RBFOX1: variants seen among roughly 807,000 people sequenced by gnomAD.
RBFOX1 encodes the protein RNA binding protein fox-1 homolog 1.
RBFOX1 carries 8 observed loss-of-function variants against 57.7 expected under a neutral mutation model. The observed-to-expected ratio is 0.14, with a 90% CI of 0.08 to 0.25. The LOEUF (loss-of-function observed/expected upper bound fraction) is 0.25. Among genes scored for constraint, RBFOX1 ranks in the 10% least tolerant of loss-of-function variants. The probability of loss-of-function intolerance (pLI) is 1.00; values close to 1 mark genes in which losing one functional copy is unlikely to be tolerated. For synonymous variants in RBFOX1, 326 were observed against 222.4 expected (o/e 1.47, Z -4.15); for missense variants, 611 against 548.5 (o/e 1.11, Z -1.14).
intron 1 of RBFOX1, among the ~76,000 whole-genome samples, chr16:6,068,097 A>T (rs1567375187): frequency 2.0e-5 from 3 of 151,646 alleles, no homozygotes; most frequent in South Asian, 4.2e-4. Flanking sequence ...CTCTTCATTC[A>T]TTTTTTTGTC....
At chr16:6,393,575 G>A (rs2092698205) in intron 2 of RBFOX1, among the ~76,000 whole-genome samples, 1 of 152,156 alleles carries the variant, frequency 6.6e-6, no homozygotes, top group African/African-American at 2.4e-5. Context: ...ACCCTTCTCA[G>A]TTCCCTTTCA....
chr16:7,479,417 G>A (rs549102091), intron 4 of RBFOX1, among the ~76,000 whole-genome samples: 13 of 152,134 alleles, frequency 8.5e-5, no homozygotes, highest in East Asian at 1.9e-4. Flanking sequence ...GGTATGAGCC[G>A]GGGTGCCTGG....
chr16:5,567,612 TG>T (rs111530610), intron 2 of RBFOX1, among the ~76,000 whole-genome samples: 1 of 46,716 alleles, frequency 2.1e-5, no homozygotes, highest in African/African-American at 8.1e-5. Flanking sequence ...TAAACCATAG[TG>T]GGGGGGTATT....
intron 1 of RBFOX1, among the ~76,000 whole-genome samples, chr16:6,309,297 G>A (rs2079945442): frequency 1.3e-5 from 2 of 152,224 alleles, no homozygotes; most frequent in South Asian, 4.1e-4. Flanking sequence ...CAATTTCTCT[G>A]AGAAGGCTGT....
At chr16:7,286,422 T>G in intron 4 of RBFOX1, among the ~76,000 whole-genome samples, 1 of 151,752 alleles carries the variant, frequency 6.6e-6, no homozygotes, top group East Asian at 1.9e-4. Flanking sequence ...AGTGGGAATT[T>G]GGGTTTCATA....
rs555924793 is a variant in RBFOX1, at chr16:7,339,589, A to G, written c.28-178558A>G. ...TGAGTATCTGGGACCGTGGGCATGCACCACCACAACCAGCTTATTTTTGTA... is the reference window on the plus strand; with the variant it reads ...TGAGTATCTGGGACCGTGGGCATGCGCCACCACAACCAGCTTATTTTTGTA... On this transcript the variant is annotated intron_variant, in intron 4 of 15. Coordinates refer to ENST00000550418, the MANE Select transcript of RBFOX1 (RefSeq NM_018723.4). 3.3e-5 allele frequency among the ~76,000 whole-genome samples: 5 copies of G among 152,186 alleles called. No homozygotes were observed. The East Asian group carries it at 9.7e-4, about 30-fold the overall frequency.
chr16:7,264,613 C>G lies in RBFOX1; in HGVS notation c.27+212515C>G, dbSNP rs112519734. On this transcript the variant is annotated intron_variant, in intron 4 of 15. Transcript: ENST00000550418. ...CAAAGAAATAAATGTAGTTGTATTA[C>G]AATAAAATTTGATTTATGGACACTG... Among the ~76,000 whole-genome samples the G allele has an allele frequency of 4.2e-3, 646 of 152,212 alleles. 7 individuals carry two copies. Among genetic ancestry groups the G allele is most frequent in the African/African-American group, 0.015 (616 of 41,540 alleles).
intron 2 of RBFOX1, among the ~76,000 whole-genome samples, chr16:5,590,494 C>T (rs987100071): frequency 2.0e-5 from 3 of 152,052 alleles, no homozygotes; most frequent in African/African-American, 7.2e-5. Context: ...TCAGAATGGG[C>T]AGGGGAAGCC....
At chr16:7,162,298 C>G (rs1334685405) in intron 4 of RBFOX1, among the ~76,000 whole-genome samples, 3 of 152,130 alleles carry the variant, frequency 2.0e-5, no homozygotes, top group African/African-American at 4.8e-5. Flanking sequence ...TATGTATACA[C>G]ACATACATGC....
chr16:7,471,833 C>G (rs2061606227), intron 4 of RBFOX1, among the ~76,000 whole-genome samples: 1 of 152,234 alleles, frequency 6.6e-6, no homozygotes, highest in Non-Finnish European at 1.5e-5. Context: ...GCCTGACCCA[C>G]AGATTGGCTG....
intron 2 of RBFOX1, among the ~76,000 whole-genome samples, chr16:6,619,350 T>G (rs1196562747): frequency 6.6e-6 from 1 of 152,186 alleles, no homozygotes; most frequent in South Asian, 2.1e-4. Flanking sequence ...CAGTCCAGTA[T>G]GACTCTTTAA....
intron 1 of RBFOX1, among the ~76,000 whole-genome samples, chr16:6,242,758 T>C (rs1004318825): frequency 4.6e-5 from 7 of 151,992 alleles, no homozygotes; most frequent in Non-Finnish European, 1.0e-4. Flanking sequence ...AGAGGTTAAG[T>C]AATTTGCCAG....
intron 4 of RBFOX1, among the ~76,000 whole-genome samples, chr16:5,912,470 A>C (rs1026922468): frequency 6.6e-6 from 1 of 152,170 alleles, no homozygotes; most frequent in Non-Finnish European, 1.5e-5. Flanking sequence ...GGCATCTCCC[A>C]GCTCCTCTCA....
intron 2 of RBFOX1, among the ~76,000 whole-genome samples, chr16:5,485,616 T>C (rs2069706100): frequency 6.6e-6 from 1 of 152,202 alleles, no homozygotes; most frequent in Admixed American, 6.5e-5. Context: ...ACCATTGTCC[T>C]CATTTCACAG....
At chr16:7,210,243 G>A (rs1011666665) in intron 4 of RBFOX1, among the ~76,000 whole-genome samples, 1 of 152,174 alleles carries the variant, frequency 6.6e-6, no homozygotes, top group African/African-American at 2.4e-5. Context: ...TTGCAAGGGA[G>A]TACTTATAGG....
chr16:7,537,327 G>T (rs988675498), intron 5 of RBFOX1, among the ~76,000 whole-genome samples: 1 of 152,176 alleles, frequency 6.6e-6, no homozygotes, highest in East Asian at 1.9e-4. Flanking sequence ...GTGGACTTTT[G>T]TGACAATTTG....
intron 3 of RBFOX1, among the ~76,000 whole-genome samples, chr16:6,714,126 T>C (rs1227397251): frequency 6.6e-6 from 1 of 152,170 alleles, no homozygotes; most frequent in Non-Finnish European, 1.5e-5. Context: ...TTATGAATGG[T>C]AGTTTTTCCT....
chr16:7,706,070 C>G (rs556042375), intron 14 of RBFOX1, among the ~76,000 whole-genome samples: 49 of 152,272 alleles, frequency 3.2e-4, no homozygotes, highest in African/African-American at 9.9e-4. Flanking sequence ...GCTTAGCCAG[C>G]TCTGAGGACA....
At chr16:5,283,875 G>A (rs933946857) in intron 1 of RBFOX1, among the ~76,000 whole-genome samples, 2 of 152,014 alleles carry the variant, frequency 1.3e-5, no homozygotes, top group African/African-American at 4.8e-5. Flanking sequence ...GGACTGTTGG[G>A]AAGGCATGAT....
Sources: gnomAD v4.1 joint callset for allele counts (sites outside exome capture counted in the v4.1 genomes callset) on GRCh38, gnomAD v4.1.1 for gene constraint, MANE v1.5 for transcripts, NCBI Gene and HGNC (gene_info 2026-07-23, HGNC 2026-07-21) for gene names.